TEX9: variants seen among roughly 807,000 people sequenced by gnomAD.
TEX9 encodes the protein testis expressed 9.
A neutral mutation model predicts 59.6 loss-of-function variants in TEX9; 74 were observed. The ratio of observed to expected loss-of-function variants is 1.24; its 90% CI spans 1.03 to 1.51. The LOEUF is 1.51. Ranked by LOEUF, TEX9 falls within the 40% of genes most tolerant of loss-of-function variation. TEX9 has a pLI of 0.00. For missense variants in TEX9, 522 were observed against 447.8 expected, an observed-to-expected ratio of 1.17 and a Z score of -1.49; for synonymous variants, 186 against 152.2, an observed-to-expected ratio of 1.22 and a Z score of -1.64.
chr15:56,437,092 A>G (rs994248355), intron 12 of TEX9, among the ~76,000 whole-genome samples: 4 of 152,220 alleles, frequency 2.6e-5, no homozygotes, highest in African/African-American at 7.2e-5. Flanking sequence ...AATCCTCCCT[A>G]ACTCATTTTA....
intron 5 of TEX9, 92 bp downstream of exon 5, chr15:56,388,612 T>A: frequency 9.5e-7 from 1 of 1,055,326 alleles, no homozygotes; most frequent in Non-Finnish European, 1.5e-6. Context: ...AGAAGGGGTA[T>A]GACTCAACAG....
chr15:56,402,628 C>T (rs1159370630), intron 9 of TEX9, among the ~76,000 whole-genome samples: 1 of 152,204 alleles, frequency 6.6e-6, no homozygotes, highest in East Asian at 1.9e-4. Flanking sequence ...TCCTCCCTAA[C>T]TCATTTTATG....
chr15:56,434,261 T>C, intron 12 of TEX9: 1 of 1,613,998 alleles, frequency 6.2e-7, no homozygotes, highest in Non-Finnish European at 8.5e-7. Context: ...CCTCAGCAAA[T>C]TTAGCTAGCA....
At chr15:56,306,285 CAG>C (rs1385405838) in intron 1 of TEX9, among the ~76,000 whole-genome samples, 1 of 99,586 alleles carries the variant, frequency 1.0e-5, no homozygotes, top group Non-Finnish European at 2.2e-5. Context: ...AAAAGGAAAT[CAG>C]TGTATCAAAG....
chr15:56,398,596 T>C (rs577667469), intron 9 of TEX9, among the ~76,000 whole-genome samples: 1 of 152,344 alleles, frequency 6.6e-6, no homozygotes, highest in East Asian at 1.9e-4. Flanking sequence ...TTCTTGGCCA[T>C]CATGTCCAAT....
intron 1 of TEX9, among the ~76,000 whole-genome samples, chr15:56,306,789 G>T (rs1205863407): frequency 6.6e-6 from 1 of 152,118 alleles, no homozygotes; most frequent in African/African-American, 2.4e-5. Flanking sequence ...AATGCTTGAG[G>T]TGATGGATAC....
intron 12 of TEX9, among the ~76,000 whole-genome samples, chr15:56,443,131 G>A (rs1056438276): frequency 4.6e-5 from 7 of 152,108 alleles, no homozygotes; most frequent in African/African-American, 1.7e-4. Flanking sequence ...CTTTTGACTA[G>A]TGTCTGTATG....
intron 1 of TEX9, among the ~76,000 whole-genome samples, chr15:56,296,000 A>G (rs1376648890): frequency 6.6e-6 from 1 of 152,152 alleles, no homozygotes. Context: ...GCCCACTGGA[A>G]TGAGCCAAAT....
At chr15:56,361,012 G>A (rs745880182), upstream of TEX9, among the ~76,000 whole-genome samples, 1 of 152,160 alleles carries the variant, frequency 6.6e-6, no homozygotes, top group Non-Finnish European at 1.5e-5. Context: ...GGCATGGCAT[G>A]CGTCCTATTT....
At position 56,338,984 on chromosome 15, in the gene TEX9, A is replaced by T. The variant is rs116421284; in HGVS notation, c.-106-34457A>T. 8.5e-3 allele frequency among the ~76,000 whole-genome samples: 1,287 copies of T among 152,224 alleles called. 22 individuals carry two copies. Among genetic ancestry groups the T allele is most frequent in the African/African-American group, 0.029 (1,211 of 41,538 alleles). Reference sequence around the variant, plus strand: ...GGGTGTCCCCTATGCTCTGGTGTGCATGTATTTTACAAAAGCATCCTGAAT... The same window carrying T: ...GGGTGTCCCCTATGCTCTGGTGTGCTTGTATTTTACAAAAGCATCCTGAAT... On this transcript the variant is annotated intron_variant, in intron 1 of 5. Coordinates refer to the TEX9 transcript ENST00000560827.
At chr15:56,453,994 T>G in the TEX9 span, among the ~76,000 whole-genome samples, 3 of 152,188 alleles carry the variant, frequency 2.0e-5, no homozygotes, top group Non-Finnish European at 4.4e-5. Context: ...ACATGCCAAT[T>G]TGAAATACAG....
intron 12 of TEX9, chr15:56,443,843 T>G (rs764587915): frequency 6.3e-7 from 1 of 1,598,870 alleles, no homozygotes; most frequent in East Asian, 2.2e-5. Context: ...TTCTAACTTT[T>G]GTTGTTTTTC....
chr15:56,322,174 C>A (rs2045918012), intron 1 of TEX9, among the ~76,000 whole-genome samples: 2 of 151,994 alleles, frequency 1.3e-5, no homozygotes, highest in East Asian at 3.9e-4. Context: ...AGCTTCAGGT[C>A]TGCGGATCAG....
At chr15:56,283,680 T>C (rs1429889512) in intron 1 of TEX9, among the ~76,000 whole-genome samples, 2 of 152,100 alleles carry the variant, frequency 1.3e-5, no homozygotes, top group African/African-American at 4.8e-5. Flanking sequence ...TTTATCAAGT[T>C]TTTAGAAGAC....
the TEX9 span, among the ~76,000 whole-genome samples, chr15:56,457,729 C>T: frequency 2.0e-5 from 3 of 151,536 alleles, no homozygotes; most frequent in Non-Finnish European, 2.9e-5. Flanking sequence ...GTAGGAGGAC[C>T]GCCGGAGACC....
At chr15:56,251,104 C>A (rs1306724146) in intron 1 of TEX9, among the ~76,000 whole-genome samples, 1 of 152,140 alleles carries the variant, frequency 6.6e-6, no homozygotes, top group Non-Finnish European at 1.5e-5. Context: ...AAGAATAGAT[C>A]TACTTTCTCT....
chr15:56,394,172 G>C lies in TEX9; in HGVS notation c.579G>C (p.Gln193His), dbSNP rs772102944. The C allele has an allele frequency of 9.6e-5, 154 of 1,607,402 alleles. 1 individual carries two copies. In the South Asian group the frequency reaches 1.6e-3, roughly 17 times the overall value. The change falls in exon 8 of 13, where the codon CAG (glutamine) becomes CAC (histidine). Residue 193 changes from glutamine to histidine, a missense_variant. Coordinates refer to ENST00000352903, the Ensembl canonical transcript of TEX9. ...AATTATTTAAATTCACAGAAGCACA[G>C]ATCAGATTTCTAAAGGCCAAACTCC... is the stretch of plus-strand genomic sequence containing the variant.
chr15:56,324,513 A>G (rs2045977762), intron 1 of TEX9, among the ~76,000 whole-genome samples: 1 of 152,238 alleles, frequency 6.6e-6, no homozygotes, highest in African/African-American at 2.4e-5. Context: ...GGGTTTGTTA[A>G]TTAGCATACT....
At chr15:56,282,008 T>C (rs888691154) in intron 1 of TEX9, among the ~76,000 whole-genome samples, 3 of 152,194 alleles carry the variant, frequency 2.0e-5, no homozygotes, top group Admixed American at 6.5e-5. Flanking sequence ...TAAATGTTGA[T>C]GTTCTATCAT....
Sources: gnomAD v4.1 joint callset for allele counts (sites outside exome capture counted in the v4.1 genomes callset) on GRCh38, gnomAD v4.1.1 for gene constraint, MANE v1.5 for transcripts, NCBI Gene and HGNC (gene_info 2026-07-23, HGNC 2026-07-21) for gene names.